TRPM7: variants seen among roughly 807,000 people sequenced by gnomAD.
The protein encoded by TRPM7 is LTRPC ion channel family member 7.
A neutral mutation model predicts 229.7 loss-of-function variants in TRPM7; 134 were observed. That is an observed-to-expected ratio of 0.58 (90% CI 0.51 to 0.67). The LOEUF (loss-of-function observed/expected upper bound fraction) is 0.67, where lower values mean the gene tolerates loss of function less well. Ranked by LOEUF, TRPM7 falls within the 30% of genes least tolerant of loss-of-function variation. The pLI is 0.00. For synonymous variants in TRPM7, 699 were observed against 715.2 expected (o/e 0.98, Z 0.36); for missense variants, 1,901 against 2,210.0 (o/e 0.86, Z 2.80).
At chr15:50,579,339 G>C (rs544502827) in intron 30 of TRPM7, among the ~76,000 whole-genome samples, 5 of 152,178 alleles carry the variant, frequency 3.3e-5, no homozygotes, top group Non-Finnish European at 5.9e-5. Context: ...GATCCAGAAA[G>C]GACCTTGGGA....
At position 50,568,004 on chromosome 15, in the gene TRPM7, G is replaced by A. The variant is rs143016773; in HGVS notation, c.5467+1883C>T. ...TGAGGCCGGAGAATGGCGTGAACCC[G>A]GGAGGTGGAGCTTGCAGTGAGCGGA... On this transcript the variant is annotated intron_variant, in intron 38 of 38. Coordinates refer to ENST00000646667, the MANE Select transcript of TRPM7 (RefSeq NM_017672.6). Among the ~76,000 whole-genome samples, 118 of 151,136 alleles carry A rather than the reference G, an allele frequency of 7.8e-4. 2 individuals are homozygous for A. In the East Asian group the frequency reaches 0.021, roughly 27 times the overall value.
At position 50,639,424 on chromosome 15, in the gene TRPM7, A is replaced by G. The variant is rs1018200816; in HGVS notation, c.660T>C (p.Asp220=). 1 of 1,577,574 alleles carries G rather than the reference A, an allele frequency of 6.3e-7. No individual in the cohort carries two copies. Among genetic ancestry groups the G allele is most frequent in the Middle Eastern group, 1.7e-4 (1 of 5,914 alleles). ...AAGAAATTTTAAAAATAATTCTTAC[A>G]TCTCTCCCAACAAGATCATTTCTGT... is the stretch of plus-strand genomic sequence containing the variant. ...IENRNDLVGR[D]VVAPYQTLLN... is the part of the protein sequence containing the mutation. The change falls in exon 6 of 39, where the codon GAT becomes GAC. Residue 220 remains aspartate (D), a splice_region_variant and synonymous_variant. Transcript: ENST00000646667.
intron 10 of TRPM7, among the ~76,000 whole-genome samples, chr15:50,631,153 C>T (rs564734215): frequency 1.3e-5 from 2 of 152,012 alleles, no homozygotes; most frequent in South Asian, 2.1e-4. Context: ...CTTAATAGGA[C>T]TATTAAATAG....
intron 10 of TRPM7, among the ~76,000 whole-genome samples, chr15:50,629,158 T>TTATCTATTACATAAGTTCTGACCC (rs1555421452): frequency 6.6e-6 from 1 of 150,970 alleles, no homozygotes; most frequent in African/African-American, 2.5e-5. Flanking sequence ...GGTACAAGGA[T>TTATCTATTACATAAGTTCTGACCC]ATATACTTTA....
chr15:50,667,692 A>T (rs1469489599), intron 1 of TRPM7, among the ~76,000 whole-genome samples: 1 of 152,120 alleles, frequency 6.6e-6, no homozygotes. Flanking sequence ...GGGCAACAGA[A>T]GGAGACTCCA....
At chr15:50,664,070 T>C (rs927497046) in intron 1 of TRPM7, among the ~76,000 whole-genome samples, 2 of 151,950 alleles carry the variant, frequency 1.3e-5, no homozygotes, top group African/African-American at 2.4e-5. Flanking sequence ...GAGGCTGAGG[T>C]GGGCGGATCA....
intron 28 of TRPM7, 92 bp downstream of exon 28, chr15:50,586,300 A>AT: frequency 1.2e-6 from 1 of 817,928 alleles, no homozygotes; most frequent in Non-Finnish European, 2.0e-6. Context: ...CTCCTGCACC[A>AT]TTCACTGCTC....
chr15:50,639,125 T>C (rs1197707740), intron 6 of TRPM7, among the ~76,000 whole-genome samples: 1 of 152,198 alleles, frequency 6.6e-6, no homozygotes, highest in Non-Finnish European at 1.5e-5. Flanking sequence ...TCATTAAAAA[T>C]TTAATTACAA....
At chr15:50,660,527 T>C (rs942267340) in intron 2 of TRPM7, among the ~76,000 whole-genome samples, 8 of 152,272 alleles carry the variant, frequency 5.3e-5, no homozygotes, top group African/African-American at 1.9e-4. Context: ...TGGTAGCGCA[T>C]GCCTATAGTC....
At chr15:50,686,406 C>G in intron 1 of TRPM7, 125 bp downstream of exon 1, 1 of 1,522,212 alleles carries the variant, frequency 6.6e-7, no homozygotes, top group Non-Finnish European at 9.1e-7. Context: ...CCGGAAGCCT[C>G]AAGGCAATTC....
chr15:50,602,143 TCAA>T (rs2059798841), intron 21 of TRPM7, among the ~76,000 whole-genome samples: 1 of 152,050 alleles, frequency 6.6e-6, no homozygotes, highest in Admixed American at 6.6e-5. Flanking sequence ...CAAATGTCCG[TCAA>T]TGATAGACTG....
At chr15:50,664,715 C>G (rs2061836268) in intron 1 of TRPM7, among the ~76,000 whole-genome samples, 1 of 152,170 alleles carries the variant, frequency 6.6e-6, no homozygotes, top group South Asian at 2.1e-4. Flanking sequence ...GCCTGTAACC[C>G]CAGCACTCTG....
chr15:50,663,871 G>C (rs1335461081), intron 1 of TRPM7, among the ~76,000 whole-genome samples: 5 of 152,188 alleles, frequency 3.3e-5, no homozygotes, highest in African/African-American at 1.2e-4. Context: ...TCTGAGGCAG[G>C]AGGATCGCCT....
intron 31 of TRPM7, among the ~76,000 whole-genome samples, chr15:50,578,199 G>A (rs577862078): frequency 7.9e-5 from 12 of 152,154 alleles, no homozygotes; most frequent in Non-Finnish European, 1.2e-4. Flanking sequence ...TATACACTTC[G>A]ATAAAAGGTT....
Position 50,612,825 on chromosome 15 carries a change from T to G in TRPM7, c.1775A>C (p.Asp592Ala). 1 of 1,608,804 alleles carries G rather than the reference T, an allele frequency of 6.2e-7. No homozygotes were observed. The highest frequency in any genetic ancestry group is 8.5e-7 in the Non-Finnish European group (1 of 1,178,514). ...KTAQPYRPKIDTVMEEGKKKR... is the reference protein window; with the variant it reads ...KTAQPYRPKIATVMEEGKKKR... Reference sequence around the variant, plus strand: ...CTTCTTTCCTTCTTCCATAACTGTATCAATCTTCCAGGGAAAATAAAGTTA... The same window carrying G: ...CTTCTTTCCTTCTTCCATAACTGTAGCAATCTTCCAGGGAAAATAAAGTTA... The change falls in exon 16 of 39, where the codon GAT becomes GCT. Residue 592 changes from aspartate to alanine, a missense_variant. By Grantham distance (126) the Asp-to-Ala change is moderately radical. This residue lies in a region of TRPM7 where 794 missense variants were observed against 881.9 expected (regional missense o/e 0.90). Coordinates refer to ENST00000646667, the MANE Select transcript of TRPM7 (RefSeq NM_017672.6).
At position 50,574,733 on chromosome 15, in the gene TRPM7, G is replaced by A. The variant is rs1342469572; in HGVS notation, c.5020-14C>T. Reference sequence around the variant, plus strand: ...TTGTTGAATTTCCTATAAAAGGGAGGGTGGGGAGAACCCTTGTTTAATATT... The same window carrying A: ...TTGTTGAATTTCCTATAAAAGGGAGAGTGGGGAGAACCCTTGTTTAATATT... On this transcript the variant is annotated splice_polypyrimidine_tract_variant and intron_variant, in intron 34 of 38. Transcript: ENST00000646667. The A allele has an allele frequency of 6.2e-7, 1 of 1,608,458 alleles. No individual in the cohort carries two copies. The highest frequency in any genetic ancestry group is 1.3e-5 in the African/African-American group (1 of 74,680).
chr15:50,613,876 A>G (rs1444842592), intron 14 of TRPM7, 35 bp from the exon 15 acceptor site: 4 of 1,597,766 alleles, frequency 2.5e-6, no homozygotes, highest in East Asian at 2.2e-5. Context: ...TTATAGATTT[A>G]AACGTGCTGA....
chr15:50,674,928 T>A (rs1022082486), intron 1 of TRPM7, among the ~76,000 whole-genome samples: 4 of 152,216 alleles, frequency 2.6e-5, no homozygotes, highest in African/African-American at 9.6e-5. Context: ...CATTGGCAAA[T>A]CCACCCAAAA....
intron 1 of TRPM7, among the ~76,000 whole-genome samples, chr15:50,672,252 C>T (rs536062232): frequency 7.2e-4 from 109 of 151,988 alleles, no homozygotes; most frequent in Non-Finnish European, 1.3e-3. Flanking sequence ...ACATTTTCAC[C>T]ATGTTAGCCA....
Sources: gnomAD v4.1 joint callset for allele counts (sites outside exome capture counted in the v4.1 genomes callset) on GRCh38, gnomAD v4.1.1 for gene constraint, gnomAD v4.1.1 regional missense constraint, MANE v1.5 for transcripts, NCBI Gene and HGNC (gene_info 2026-07-23, HGNC 2026-07-21) for gene names.